The following ATP10B variants were observed in gnomAD, a reference collection of about 807,000 sequenced individuals.
ATP10B encodes ATPase phospholipid transporting 10B (putative).
A neutral mutation model predicts 141.2 loss-of-function variants in ATP10B; 122 were observed. The ratio of observed to expected loss-of-function variants is 0.86; its 90% CI spans 0.75 to 1.00. ATP10B has a LOEUF of 1.00. Among genes scored for constraint, ATP10B ranks in the 50% least tolerant of loss-of-function variants. The pLI is 0.00. For synonymous variants in ATP10B, 685 were observed against 692.0 expected (o/e 0.99, Z 0.16); for missense variants, 1,876 against 1,825.3 (o/e 1.03, Z -0.51).
chr5:160,850,207 A>T (rs1046383608), intron 1 of ATP10B, among the ~76,000 whole-genome samples: 3 of 152,062 alleles, frequency 2.0e-5, no homozygotes, highest in Non-Finnish European at 2.9e-5. Flanking sequence ...GGAGTTCGAG[A>T]CCAGCCTGGC....
intron 1 of ATP10B, among the ~76,000 whole-genome samples, chr5:160,796,002 T>C (rs4921339): frequency 0.44 from 66,952 of 151,906 alleles, 14,854 homozygotes; most frequent in East Asian, 0.6. Flanking sequence ...TGGGGGTCAT[T>C]CTGCCCCCTG....
At chr5:160,868,677 G>A in the ATP10B span, among the ~76,000 whole-genome samples, 1 of 152,062 alleles carries the variant, frequency 6.6e-6, no homozygotes, top group South Asian at 2.1e-4. Context: ...GCTACCCCAA[G>A]TTCTGGGAAG....
intron 6 of ATP10B, among the ~76,000 whole-genome samples, chr5:160,674,653 G>T (rs550204647): frequency 3.3e-5 from 5 of 152,192 alleles, no homozygotes; most frequent in African/African-American, 1.2e-4. Flanking sequence ...GACAGAGATA[G>T]CCCAGTTCCA....
intron 24 of ATP10B, among the ~76,000 whole-genome samples, chr5:160,581,364 G>C (rs1032226236): frequency 6.6e-6 from 1 of 152,128 alleles, no homozygotes; most frequent in Non-Finnish European, 1.5e-5. Flanking sequence ...GTTCTCACTG[G>C]TTTCAAAGAA....
intron 2 of ATP10B, among the ~76,000 whole-genome samples, chr5:160,768,567 T>C (rs111741050): frequency 1.4e-4 from 22 of 152,352 alleles, no homozygotes; most frequent in African/African-American, 5.3e-4. Flanking sequence ...TCTGTTTATA[T>C]CATTTGCCAC....
intron 2 of ATP10B, among the ~76,000 whole-genome samples, chr5:160,781,331 T>A (rs1266052509): frequency 1.3e-5 from 2 of 152,120 alleles, no homozygotes; most frequent in Admixed American, 1.3e-4. Flanking sequence ...CAAATAGCAA[T>A]CGCCCTTTTG....
At chr5:160,827,378 G>A (rs1214245832) in intron 1 of ATP10B, among the ~76,000 whole-genome samples, 1 of 152,144 alleles carries the variant, frequency 6.6e-6, no homozygotes, top group Non-Finnish European at 1.5e-5. Flanking sequence ...GTATCTAATT[G>A]TGGTTTTGAT....
Position 160,747,450 on chromosome 5 carries a change from T to G in ATP10B, c.-330-30416A>C, listed in dbSNP as rs78741014. Among the ~76,000 whole-genome samples the G allele has an allele frequency of 2.5e-3, 375 of 152,344 alleles. 3 individuals are homozygous for G. The highest frequency in any genetic ancestry group is 8.7e-3 in the African/African-American group (362 of 41,584). ...GTGACCTTATTCAGAAATAGGGACT[T>G]TGCAGATGTAGTCAAATTAAAATGA... On this transcript the variant is annotated intron_variant, in intron 2 of 25. Transcript: ENST00000327245.
intron 7 of ATP10B, among the ~76,000 whole-genome samples, chr5:160,652,350 T>C (rs1760800667): frequency 6.6e-6 from 1 of 151,972 alleles, no homozygotes; most frequent in Non-Finnish European, 1.5e-5. Flanking sequence ...TTTAAGAATT[T>C]GCTGTATTTC....
At chr5:160,788,132 A>C (rs1771303287) in intron 1 of ATP10B, among the ~76,000 whole-genome samples, 1 of 152,224 alleles carries the variant, frequency 6.6e-6, no homozygotes, top group Admixed American at 6.5e-5. Context: ...GATGACCTCT[A>C]GAAACCCTTT....
chr5:160,565,387 G>T lies in ATP10B; in HGVS notation c.*66C>A. On this transcript the variant is annotated 3_prime_UTR_variant, in exon 26 of 26. Transcript: ENST00000327245. ...TTGTTTCCTCTATGAAGAAGAAGGG[G>T]TCAAGGGTTATGTGGACCAGTGACT... 6.7e-7 allele frequency: 1 copy of T among 1,492,262 alleles called. No individual in the cohort carries two copies. Among genetic ancestry groups the T allele is most frequent in the South Asian group, 1.2e-5 (1 of 82,456 alleles). The allele number at this position is 1,492,262 out of a possible 1,614,324, so 92.4% of individuals were successfully genotyped here. A position where few individuals can be genotyped will look rare whatever the true frequency, so the allele number is the denominator to read the frequency against.
At chr5:160,919,882 C>A in the ATP10B span, among the ~76,000 whole-genome samples, 1 of 152,134 alleles carries the variant, frequency 6.6e-6, no homozygotes, top group African/African-American at 2.4e-5. Context: ...TAGGAATGAG[C>A]CAATGGAAAG....
Position 160,716,894 on chromosome 5 carries a change from A to G in ATP10B, c.-205+15T>C, listed in dbSNP as rs1765696780. On this transcript the variant is annotated intron_variant, in intron 3 of 25. Transcript: ENST00000327245. ...GGAAAAGGAAAGAAACGGGGAAGCA[A>G]CGCAAAAGATATACCTGTTAGCGGA... 2 of 985,222 alleles carry G rather than the reference A, an allele frequency of 2.0e-6. No homozygotes were observed. The highest frequency in any genetic ancestry group is 2.4e-6 in the Non-Finnish European group (2 of 829,852). 61.0% of individuals were successfully genotyped at this position (985,222 alleles called of 1,614,324 possible).
At chr5:160,760,408 T>TA (rs1402108139) in intron 2 of ATP10B, among the ~76,000 whole-genome samples, 2 of 152,204 alleles carry the variant, frequency 1.3e-5, no homozygotes, top group Non-Finnish European at 2.9e-5. Context: ...CGATTGCTCC[T>TA]AATGTCCCAG....
At chr5:160,902,015 T>C in the ATP10B span, among the ~76,000 whole-genome samples, 90,914 of 152,014 alleles carry the variant, frequency 0.6, 28,494 homozygotes, top group African/African-American at 0.77. Flanking sequence ...CGATCCAAGC[T>C]CTCATCTGTT....
chr5:160,792,844 C>T (rs1194820968), intron 1 of ATP10B, among the ~76,000 whole-genome samples: 1 of 152,146 alleles, frequency 6.6e-6, no homozygotes, highest in Non-Finnish European at 1.5e-5. Context: ...TCCTTTCTAC[C>T]TGTCCTTTTC....
At chr5:160,806,114 G>A (rs1561873542) in intron 1 of ATP10B, among the ~76,000 whole-genome samples, 1 of 152,214 alleles carries the variant, frequency 6.6e-6, no homozygotes, top group South Asian at 2.1e-4. Flanking sequence ...CCCACACTGG[G>A]GACAGCCATC....
At position 160,759,815 on chromosome 5, in the gene ATP10B, A is replaced by C. The variant is rs563662892; in HGVS notation, c.-331+25744T>G. ...GGAAACATCTTCCTCCAGAGAGAAA[A>C]ATCTGAATTTTGTACCTATTTTCTT... On this transcript the variant is annotated intron_variant, in intron 2 of 25. Transcript: ENST00000327245. Among the ~76,000 whole-genome samples, 512 of 152,298 alleles carry C rather than the reference A, an allele frequency of 3.4e-3. 3 individuals are homozygous for C. The highest frequency in any genetic ancestry group is 0.012 in the African/African-American group (488 of 41,544).
At chr5:160,865,300 G>A in the ATP10B span, among the ~76,000 whole-genome samples, 1 of 151,932 alleles carries the variant, frequency 6.6e-6, no homozygotes, top group Non-Finnish European at 1.5e-5. Flanking sequence ...CTTTGACAAA[G>A]CATACAAAAA....
Sources: gnomAD v4.1 joint callset for allele counts (sites outside exome capture counted in the v4.1 genomes callset) on GRCh38, gnomAD v4.1.1 for gene constraint, MANE v1.5 for transcripts, NCBI Gene and HGNC (gene_info 2026-07-23, HGNC 2026-07-21) for gene names.